RNF214: variants seen among roughly 807,000 people sequenced by gnomAD.
The protein encoded by RNF214 is ring finger protein 214.
Under a neutral mutation model 75.9 loss-of-function variants are expected in RNF214, and 25 were observed. The ratio of observed to expected loss-of-function variants is 0.33; its 90% CI spans 0.24 to 0.46. The LOEUF is 0.46. RNF214 is among the 20% of genes least tolerant of loss of function. RNF214 has a pLI of 1.00. For synonymous variants in RNF214, 314 were observed against 308.8 expected, an observed-to-expected ratio of 1.02 and a Z score of -0.18; for missense variants, 725 against 857.5, an observed-to-expected ratio of 0.85 and a Z score of 1.93.
At chr11:117,268,890 A>G (rs2033851044) in intron 6 of RNF214, among the ~76,000 whole-genome samples, 1 of 152,214 alleles carries the variant, frequency 6.6e-6, no homozygotes, top group South Asian at 2.1e-4. Flanking sequence ...AAAGAGGGAA[A>G]GCGTTCTCTT....
In RNF214 at chr11:117,284,088, G is replaced by A. The variant is rs114890170; in HGVS notation, c.2046+878G>A. Among the ~76,000 whole-genome samples the A allele has an allele frequency of 1.7e-3, 262 of 152,260 alleles. 1 individual carries two copies. Among genetic ancestry groups the A allele is most frequent in the African/African-American group, 6.1e-3 (252 of 41,532 alleles). On this transcript the variant is annotated intron_variant, in intron 14 of 14. Transcript: ENST00000300650. ...GGACTGGATAAGCAATTCATACTGCGCACTAAATAACTTTCTTGGAAAATT... is the reference window on the plus strand; with the variant it reads ...GGACTGGATAAGCAATTCATACTGCACACTAAATAACTTTCTTGGAAAATT...
chr11:117,268,566 A>G (rs1388886812), intron 6 of RNF214, among the ~76,000 whole-genome samples: 1 of 152,134 alleles, frequency 6.6e-6, no homozygotes, highest in Non-Finnish European at 1.5e-5. Context: ...TGTCTATTCC[A>G]TTACATCGAT....
Position 117,285,670 on chromosome 11 carries a change from A to G in RNF214, c.*519A>G, listed in dbSNP as rs2034239335. 1 of 152,714 alleles carries G rather than the reference A, an allele frequency of 6.5e-6. No individual in the cohort carries two copies. The highest frequency in any genetic ancestry group is 2.4e-5 in the African/African-American group (1 of 41,432). 9.5% of individuals were successfully genotyped at this position (152,714 alleles called of 1,614,324 possible). A position where few individuals can be genotyped will look rare whatever the true frequency, so the allele number is the denominator to read the frequency against. ...TCCAAATGGATAAAATGAGACTCTG[A>G]TTGAGGAAAAAAAAGTAACCCTAGT... On this transcript the variant is annotated 3_prime_UTR_variant, in exon 15 of 15. Transcript: ENST00000300650.
In RNF214 at chr11:117,243,076, A is replaced by G. The variant is rs555572737; in HGVS notation, c.679-1369A>G. Among the ~76,000 whole-genome samples, 39 of 152,382 alleles carry G rather than the reference A, an allele frequency of 2.6e-4. No homozygotes were observed. The South Asian group carries it at 8.1e-3, about 32-fold the overall frequency. The stretch of plus-strand genomic sequence containing the variant: ...GGACACATTAGTCACATTTCAGTAC[A>G]TGGACTAAAGATTAGCTTGTCCCAA... On this transcript the variant is annotated intron_variant, in intron 4 of 14. Transcript: ENST00000300650.
Position 117,282,221 on chromosome 11 carries a change from C to G in RNF214, c.1663C>G (p.Leu555Val). ...TCCCCGGCCCCAACCAGTAGACAAA[C>G]TGGAGAAGATCCTGGAGAAGCTGCT... ...ETPRPQPVDK[L>V]EKILEKLLTR... Residue 555 changes from leucine (L) to valine (V), a missense_variant, in exon 11 of 15, where the codon CTG becomes GTG. Around this residue, in one of 2 missense-constraint regions of RNF214, gnomAD observed 363 missense variants for 513.0 expected, o/e 0.71. Transcript: ENST00000300650. The G allele has an allele frequency of 6.2e-7, 1 of 1,609,562 alleles. No homozygotes were observed. The highest frequency in any genetic ancestry group is 8.5e-7 in the Non-Finnish European group (1 of 1,177,380).
intron 4 of RNF214, among the ~76,000 whole-genome samples, chr11:117,241,917 G>A (rs958767461): frequency 2.6e-5 from 4 of 152,084 alleles, no homozygotes; most frequent in Admixed American, 6.6e-5. Context: ...TTATAATACA[G>A]TGGGATCTCT....
chr11:117,256,241 C>T (rs1362006239), intron 6 of RNF214, among the ~76,000 whole-genome samples: 1 of 152,150 alleles, frequency 6.6e-6, no homozygotes, highest in Non-Finnish European at 1.5e-5. Flanking sequence ...TTTTTGTTTA[C>T]TTAACTGCTT....
At chr11:117,247,634 C>T (rs1245263031) in intron 6 of RNF214, among the ~76,000 whole-genome samples, 1 of 151,968 alleles carries the variant, frequency 6.6e-6, no homozygotes, top group African/African-American at 2.4e-5. Flanking sequence ...AGGTGGATCA[C>T]GAGGTCAGGA....
chr11:117,254,709 C>T (rs1228042535), intron 6 of RNF214, among the ~76,000 whole-genome samples: 5 of 151,902 alleles, frequency 3.3e-5, no homozygotes, highest in East Asian at 1.9e-4. Context: ...CTGCAACCTC[C>T]GCCTCCTGGG....
In RNF214 at chr11:117,278,205, G is replaced by A. The variant is rs186590734; in HGVS notation, c.960-1703G>A. Reference sequence around the variant, plus strand: ...TGTAGTACCACCTACTCGGGAGGCTGAGGCAGGAGAATCGCTTGAACCCAG... The same window carrying A: ...TGTAGTACCACCTACTCGGGAGGCTAAGGCAGGAGAATCGCTTGAACCCAG... On this transcript the variant is annotated intron_variant, in intron 6 of 14. Coordinates refer to ENST00000300650, the MANE Select transcript of RNF214 (RefSeq NM_207343.4). Among the ~76,000 whole-genome samples, 379 of 152,230 alleles carry A rather than the reference G, an allele frequency of 2.5e-3. 13 individuals carry two copies. The South Asian group carries it at 0.049, about 20-fold the overall frequency.
At chr11:117,261,278 C>G (rs1297277876) in intron 6 of RNF214, among the ~76,000 whole-genome samples, 2 of 152,072 alleles carry the variant, frequency 1.3e-5, no homozygotes, top group African/African-American at 4.8e-5. Context: ...AATGCTTTTT[C>G]TGCATATTTA....
chr11:117,244,658 CTTTATTTA>C (rs200694867), intron 5 of RNF214, 73 bp downstream of exon 5: 7 of 1,142,478 alleles, frequency 6.1e-6, no homozygotes, highest in Non-Finnish European at 8.4e-6. Context: ...TTTTAAAAAA[CTTTATTTA>C]TTTATTTATT....
rs543737027 is a variant in RNF214 at position 117,258,085 on chromosome 11, C to CT, written c.959+11148dup. ...ATTCATCAATCTGTCTTTTCTTTTT[C>CT]TTTTTTTTTTTCTTTTTTTGAGACA... On this transcript the variant is annotated intron_variant, in intron 6 of 14. Transcript: ENST00000300650. 3.2e-3 allele frequency among the ~76,000 whole-genome samples: 472 copies of CT among 146,604 alleles called. 1 individual carries two copies. Among genetic ancestry groups the CT allele is most frequent in the South Asian group, 0.014 (63 of 4,586 alleles).
intron 6 of RNF214, among the ~76,000 whole-genome samples, chr11:117,263,389 C>CA (rs2033719998): frequency 6.6e-6 from 1 of 151,984 alleles, no homozygotes; most frequent in African/African-American, 2.4e-5. Flanking sequence ...GATTCTCCTG[C>CA]CTCAGCCCCG....
intron 6 of RNF214, among the ~76,000 whole-genome samples, chr11:117,255,868 C>T (rs1456527356): frequency 6.6e-6 from 1 of 152,194 alleles, no homozygotes; most frequent in Admixed American, 6.5e-5. Flanking sequence ...GAAATCATTC[C>T]AAGATACAAA....
intron 6 of RNF214, among the ~76,000 whole-genome samples, chr11:117,274,789 C>T (rs2033982603): frequency 6.6e-6 from 1 of 151,954 alleles, no homozygotes; most frequent in Non-Finnish European, 1.5e-5. Flanking sequence ...GTTCTTCTGC[C>T]TTAGCCTCCC....
intron 6 of RNF214, among the ~76,000 whole-genome samples, chr11:117,257,844 T>C (rs558056897): frequency 6.6e-6 from 1 of 152,332 alleles, no homozygotes; most frequent in South Asian, 2.1e-4. Context: ...TTGGTAATTG[T>C]TGAGTGTTGT....
intron 3 of RNF214, chr11:117,239,443 TTC>T: frequency 2.2e-6 from 1 of 447,582 alleles, no homozygotes; most frequent in Non-Finnish European, 4.0e-6. Flanking sequence ...TCCTTGTTAA[TTC>T]TCTGAGTCAC....
chr11:117,257,227 T>C (rs1219316192), intron 6 of RNF214, among the ~76,000 whole-genome samples: 1 of 152,100 alleles, frequency 6.6e-6, no homozygotes, highest in Non-Finnish European at 1.5e-5. Flanking sequence ...GTCCCACTAC[T>C]TGGGGGGCAG....
Sources: gnomAD v4.1 joint callset for allele counts (sites outside exome capture counted in the v4.1 genomes callset) on GRCh38, gnomAD v4.1.1 for gene constraint, gnomAD v4.1.1 regional missense constraint, MANE v1.5 for transcripts, NCBI Gene and HGNC (gene_info 2026-07-23, HGNC 2026-07-21) for gene names.